CNTN5: variants seen among roughly 807,000 people sequenced by gnomAD.
CNTN5 encodes the protein contactin-5.
CNTN5 carries 77 observed loss-of-function variants against 129.1 expected under a neutral mutation model. The observed-to-expected ratio is 0.60, with a 90% CI of 0.50 to 0.72. The LOEUF (loss-of-function observed/expected upper bound fraction) is 0.72. Among genes scored for constraint, CNTN5 ranks in the 30% least tolerant of loss-of-function variants. The probability of loss-of-function intolerance (pLI) is 0.00; values close to 1 mark genes in which losing one functional copy is unlikely to be tolerated. For synonymous variants in CNTN5, 509 were observed against 465.6 expected (o/e 1.09, Z -1.20); for missense variants, 1,478 against 1,328.8 (o/e 1.11, Z -1.75).
chr11:100,088,353 C>T (rs139549159), intron 13 of CNTN5, among the ~76,000 whole-genome samples: 1,838 of 151,952 alleles, frequency 0.012, 8 homozygotes, highest in Non-Finnish European at 0.018. Context: ...CAAACTAAAC[C>T]CAAAGCTAGC....
intron 2 of CNTN5, among the ~76,000 whole-genome samples, chr11:99,529,212 C>T (rs1435368473): frequency 6.6e-6 from 1 of 152,210 alleles, no homozygotes; most frequent in Non-Finnish European, 1.5e-5. Flanking sequence ...GAGGGCAGAT[C>T]TTCCCCACCT....
intron 7 of CNTN5, among the ~76,000 whole-genome samples, chr11:99,916,383 T>C (rs1236764113): frequency 2.0e-5 from 3 of 152,156 alleles, no homozygotes; most frequent in Non-Finnish European, 4.4e-5. Context: ...ACTGTCACTG[T>C]TATGCCTCTG....
intron 1 of CNTN5, among the ~76,000 whole-genome samples, chr11:99,213,284 AAT>A (rs543676415): frequency 2.7e-5 from 4 of 145,988 alleles, no homozygotes; most frequent in South Asian, 2.1e-4. Flanking sequence ...ATATACATAT[AAT>A]ATATATAACA....
At chr11:100,174,387 C>T (rs922643471) in intron 13 of CNTN5, among the ~76,000 whole-genome samples, 1 of 152,044 alleles carries the variant, frequency 6.6e-6, no homozygotes, top group Non-Finnish European at 1.5e-5. Context: ...ATAAAATAAA[C>T]AATTGTATGA....
At chr11:99,514,233 G>A (rs1243018826) in intron 2 of CNTN5, among the ~76,000 whole-genome samples, 2 of 152,094 alleles carry the variant, frequency 1.3e-5, no homozygotes, top group Non-Finnish European at 2.9e-5. Flanking sequence ...AACTTGAATT[G>A]ATGAGAAGTT....
chr11:99,973,049 T>TA (rs1386077270), intron 8 of CNTN5, among the ~76,000 whole-genome samples: 1 of 151,966 alleles, frequency 6.6e-6, no homozygotes, highest in Non-Finnish European at 1.5e-5. Context: ...TAGGGTTGCC[T>TA]AAAAAAAGGT....
At chr11:99,734,318 A>G (rs2135117767) in intron 3 of CNTN5, among the ~76,000 whole-genome samples, 1 of 152,302 alleles carries the variant, frequency 6.6e-6, no homozygotes, top group Non-Finnish European at 1.5e-5. Context: ...GCTGTCAAAT[A>G]CTAGATCTTA....
chr11:99,381,653 G>A (rs906457130), intron 2 of CNTN5, among the ~76,000 whole-genome samples: 1 of 152,022 alleles, frequency 6.6e-6, no homozygotes, highest in Non-Finnish European at 1.5e-5. Flanking sequence ...AATGTATGTG[G>A]CATAGTGTCC....
chr11:100,131,505 G>T (rs1270610497), intron 13 of CNTN5, among the ~76,000 whole-genome samples: 1 of 152,038 alleles, frequency 6.6e-6, no homozygotes, highest in Admixed American at 6.6e-5. Context: ...AAATGGCTAT[G>T]TTTGGGGGGA....
intron 3 of CNTN5, among the ~76,000 whole-genome samples, chr11:99,717,452 C>A (rs11221103): frequency 2.0e-4 from 30 of 151,966 alleles, no homozygotes; most frequent in East Asian, 5.8e-4. Flanking sequence ...AAAATTCTAT[C>A]AGTAATATAA....
chr11:99,608,635 G>A (rs754191866), intron 3 of CNTN5, among the ~76,000 whole-genome samples: 4 of 152,142 alleles, frequency 2.6e-5, no homozygotes, highest in Non-Finnish European at 5.9e-5. Context: ...AAGCCAAGTA[G>A]AGAGACCCCA....
At chr11:99,764,284 C>T (rs1179492620) in intron 3 of CNTN5, among the ~76,000 whole-genome samples, 4 of 151,726 alleles carry the variant, frequency 2.6e-5, no homozygotes. Context: ...GACTGAGGTG[C>T]TCCTGGAAGG....
intron 2 of CNTN5, among the ~76,000 whole-genome samples, chr11:99,442,963 T>C (rs955242365): frequency 5.3e-5 from 8 of 152,230 alleles, no homozygotes; most frequent in Non-Finnish European, 1.5e-5. Context: ...CCTATATTGA[T>C]ATTAAGACTT....
At chr11:99,549,760 T>C (rs536968111) in intron 2 of CNTN5, among the ~76,000 whole-genome samples, 69 of 152,244 alleles carry the variant, frequency 4.5e-4, no homozygotes, top group Non-Finnish European at 2.8e-4. Flanking sequence ...TCGTGAGCCA[T>C]AGTTGTGTCT....
chr11:99,420,796 C>G (rs17662755), intron 2 of CNTN5, among the ~76,000 whole-genome samples: 17 of 152,082 alleles, frequency 1.1e-4, no homozygotes, highest in African/African-American at 3.9e-4. Flanking sequence ...GACATTTTCT[C>G]TCTTGGGTTG....
intron 13 of CNTN5, among the ~76,000 whole-genome samples, chr11:100,160,758 A>G (rs1947419718): frequency 6.6e-6 from 1 of 151,918 alleles, no homozygotes; most frequent in South Asian, 2.1e-4. Context: ...TATGCCAGGA[A>G]TCATGCTGCG....
chr11:99,838,213 A>C (rs984266792), intron 4 of CNTN5, among the ~76,000 whole-genome samples: 8 of 152,154 alleles, frequency 5.3e-5, no homozygotes, highest in African/African-American at 1.9e-4. Flanking sequence ...GATGTAACCA[A>C]GCTAAGACTG....
At chr11:99,762,720 A>G (rs1399051370) in intron 3 of CNTN5, among the ~76,000 whole-genome samples, 1 of 152,182 alleles carries the variant, frequency 6.6e-6, no homozygotes, top group African/African-American at 2.4e-5. Context: ...AAATAACAAC[A>G]AATGTGTTCT....
intron 13 of CNTN5, among the ~76,000 whole-genome samples, chr11:100,171,650 A>C (rs1197713356): frequency 2.0e-5 from 3 of 151,990 alleles, no homozygotes; most frequent in Admixed American, 2.0e-4. Flanking sequence ...GTGTAGGAAC[A>C]TCTCAGTGGA....
Sources: allele counts gnomAD v4.1 joint callset (sites outside exome capture counted in the v4.1 genomes callset), GRCh38; gene constraint gnomAD v4.1.1; transcripts MANE v1.5; gene names NCBI Gene and HGNC (gene_info 2026-07-23, HGNC 2026-07-21).